The following THSD7A variants were observed in gnomAD, a reference collection of about 807,000 sequenced individuals.
THSD7A encodes thrombospondin type 1 domain containing 7A.
Under a neutral mutation model 231.3 loss-of-function variants are expected in THSD7A, and 96 were observed. The ratio of observed to expected loss-of-function variants is 0.41; its 90% CI spans 0.35 to 0.49. The LOEUF (loss-of-function observed/expected upper bound fraction) is 0.49. THSD7A is among the 20% of genes least tolerant of loss of function. The pLI, the probability that THSD7A is intolerant of heterozygous loss-of-function variation, is 0.05. For missense variants in THSD7A, 2,290 were observed against 2,070.2 expected (o/e 1.11, Z -2.06); for synonymous variants, 940 against 743.3 (o/e 1.26, Z -4.30).
chr7:11,666,998 G>C (rs977134266), intron 1 of THSD7A, among the ~76,000 whole-genome samples: 1 of 151,990 alleles, frequency 6.6e-6, no homozygotes, highest in Non-Finnish European at 1.5e-5. Flanking sequence ...TAAAAAAACA[G>C]ATATTAATTT....
chr7:11,671,756 T>A (rs1584185833), intron 1 of THSD7A, among the ~76,000 whole-genome samples: 1 of 152,302 alleles, frequency 6.6e-6, no homozygotes, highest in East Asian at 1.9e-4. Context: ...AAACACAATA[T>A]ATACATTTCC....
intron 1 of THSD7A, among the ~76,000 whole-genome samples, chr7:11,664,028 G>C (rs187086349): frequency 1.4e-5 from 2 of 145,946 alleles, no homozygotes; most frequent in African/African-American, 4.9e-5. Context: ...GCTCCAACTT[G>C]CTGGGATCTT....
At chr7:11,415,318 T>A (rs907863740) in intron 17 of THSD7A, among the ~76,000 whole-genome samples, 3 of 152,206 alleles carry the variant, frequency 2.0e-5, no homozygotes, top group African/African-American at 7.2e-5. Flanking sequence ...ATAAACGGCC[T>A]CGGGCATCAT....
chr7:11,519,230 A>G (rs1477993700), intron 6 of THSD7A, among the ~76,000 whole-genome samples: 1 of 152,208 alleles, frequency 6.6e-6, no homozygotes, highest in Non-Finnish European at 1.5e-5. Context: ...ATCACAAAAG[A>G]GAGCACTGCC....
intron 1 of THSD7A, among the ~76,000 whole-genome samples, chr7:11,759,271 GC>G (rs1782780427): frequency 6.6e-6 from 1 of 152,068 alleles, no homozygotes; most frequent in African/African-American, 2.4e-5. Context: ...GTGAAAGTAT[GC>G]TAAAGGAAGA....
chr7:11,826,050 G>C (rs970533722), intron 1 of THSD7A, among the ~76,000 whole-genome samples: 3 of 152,056 alleles, frequency 2.0e-5, no homozygotes, highest in Non-Finnish European at 4.4e-5. Context: ...AGAGTAATAA[G>C]TACTATTAGC....
At chr7:11,711,050 C>G (rs1780944315) in intron 1 of THSD7A, among the ~76,000 whole-genome samples, 1 of 150,786 alleles carries the variant, frequency 6.6e-6, no homozygotes, top group Non-Finnish European at 1.5e-5. Context: ...CATATTATGT[C>G]CTTTGTAGAT....
rs142896717 is a variant in THSD7A, at chr7:11,623,639, G to A, written c.1022+12491C>T. On this transcript the variant is annotated intron_variant, in intron 2 of 27. Transcript: ENST00000423059. Reference sequence around the variant, plus strand: ...GGGGTGGGGGTGAGTAGAGCGAAGTGATTATTTAAAAATATCCTTTCTCAC... The same window carrying A: ...GGGGTGGGGGTGAGTAGAGCGAAGTAATTATTTAAAAATATCCTTTCTCAC... Among the ~76,000 whole-genome samples the A allele has an allele frequency of 2.0e-5, 3 of 152,244 alleles. No homozygotes were observed. The East Asian group carries it at 5.8e-4, about 29-fold the overall frequency.
intron 23 of THSD7A, among the ~76,000 whole-genome samples, chr7:11,400,383 C>T (rs564507474): frequency 7.2e-5 from 11 of 152,244 alleles, no homozygotes; most frequent in African/African-American, 2.2e-4. Context: ...TCTGTAGAAG[C>T]GTTTAAAGCT....
chr7:11,685,302 G>C (rs768138835), intron 1 of THSD7A, among the ~76,000 whole-genome samples: 7 of 151,758 alleles, frequency 4.6e-5, no homozygotes, highest in Non-Finnish European at 1.0e-4. Flanking sequence ...TACTCTTCTG[G>C]AATTTGGCCT....
At chr7:11,560,220 A>G (rs1206755603) in intron 4 of THSD7A, among the ~76,000 whole-genome samples, 1 of 152,158 alleles carries the variant, frequency 6.6e-6, no homozygotes, top group South Asian at 2.1e-4. Flanking sequence ...TTGAAAATGC[A>G]GTATCATAAG....
intron 1 of THSD7A, among the ~76,000 whole-genome samples, chr7:11,685,390 T>G (rs1780006098): frequency 6.6e-6 from 1 of 151,780 alleles, no homozygotes; most frequent in Admixed American, 6.6e-5. Flanking sequence ...CTACTTAAAC[T>G]AAGGAGCTTT....
At chr7:11,740,800 C>T (rs1223543647) in intron 1 of THSD7A, among the ~76,000 whole-genome samples, 1 of 151,988 alleles carries the variant, frequency 6.6e-6, no homozygotes, top group Non-Finnish European at 1.5e-5. Context: ...TCAGCATCTG[C>T]TTCTCTCCCT....
intron 9 of THSD7A, among the ~76,000 whole-genome samples, chr7:11,464,937 G>C (rs970128978): frequency 1.3e-5 from 2 of 151,928 alleles, no homozygotes; most frequent in Non-Finnish European, 2.9e-5. Flanking sequence ...TCAGATCAGA[G>C]AGCAGAAAAA....
At chr7:11,699,569 G>A (rs1780514069) in intron 1 of THSD7A, among the ~76,000 whole-genome samples, 1 of 151,254 alleles carries the variant, frequency 6.6e-6, no homozygotes, top group Non-Finnish European at 1.5e-5. Context: ...CAAGCATAAT[G>A]CAGAAATCAT....
chr7:11,731,273 T>C (rs143898498), intron 1 of THSD7A, among the ~76,000 whole-genome samples: 8 of 151,706 alleles, frequency 5.3e-5, no homozygotes, highest in African/African-American at 1.9e-4. Flanking sequence ...ATAAGCTTTT[T>C]CTCTATGAGG....
intron 23 of THSD7A, among the ~76,000 whole-genome samples, chr7:11,389,308 T>TTA (rs768600035): frequency 3.3e-5 from 5 of 151,680 alleles, no homozygotes; most frequent in Non-Finnish European, 5.9e-5. Flanking sequence ...TTTAAGACAG[T>TTA]TAGCTGTTCT....
chr7:11,572,937 G>C (rs1364323596), intron 4 of THSD7A, among the ~76,000 whole-genome samples: 1 of 152,046 alleles, frequency 6.6e-6, no homozygotes. Flanking sequence ...GTATATTGTA[G>C]AGAACCTCGA....
chr7:11,533,510 A>G (rs1370330982), intron 6 of THSD7A, among the ~76,000 whole-genome samples: 1 of 152,208 alleles, frequency 6.6e-6, no homozygotes, highest in African/African-American at 2.4e-5. Flanking sequence ...CATCAAAGAT[A>G]GATTGGATAA....
Sources: gnomAD v4.1 joint callset for allele counts (sites outside exome capture counted in the v4.1 genomes callset) on GRCh38, gnomAD v4.1.1 for gene constraint, MANE v1.5 for transcripts, NCBI Gene and HGNC (gene_info 2026-07-23, HGNC 2026-07-21) for gene names.